Variants in APBA1 observed in about 807,000 individuals in gnomAD.
APBA1 encodes the protein amyloid-beta A4 precursor protein-binding family A member 1.
In APBA1, 55 loss-of-function variants were observed where a neutral mutation model predicts 86.6. The observed-to-expected ratio is 0.64, with a 90% CI of 0.51 to 0.80. The LOEUF is 0.80. Among genes scored for constraint, APBA1 ranks in the 30% least tolerant of loss-of-function variants. The probability of loss-of-function intolerance (pLI) is 0.00; values close to 1 mark genes in which losing one functional copy is unlikely to be tolerated. For synonymous variants in APBA1, 511 were observed against 493.9 expected, an observed-to-expected ratio of 1.03 and a Z score of -0.46; for missense variants, 1,090 against 1,183.0, an observed-to-expected ratio of 0.92 and a Z score of 1.15.
intron 1 of APBA1, among the ~76,000 whole-genome samples, chr9:69,669,961 A>G (rs1210574792): frequency 6.6e-6 from 1 of 152,188 alleles, no homozygotes; most frequent in Admixed American, 6.5e-5. Context: ...ATAAAGGATG[A>G]TGACTTTTTT....
At chr9:69,626,249 C>T (rs1822925137) in intron 1 of APBA1, among the ~76,000 whole-genome samples, 1 of 152,136 alleles carries the variant, frequency 6.6e-6, no homozygotes, top group Non-Finnish European at 1.5e-5. Flanking sequence ...AAAAAGTAAA[C>T]AGCAGTGCCT....
Position 69,516,243 on chromosome 9 carries a change from T to A in APBA1, c.968A>T (p.Gln323Leu). The A allele has an allele frequency of 7.1e-7, 1 of 1,414,436 alleles. No homozygotes were observed. Among genetic ancestry groups the A allele is most frequent in the Non-Finnish European group, 9.2e-7 (1 of 1,087,728 alleles). 87.6% of individuals were successfully genotyped at this position (1,414,436 alleles called of 1,614,324 possible). Residue 323 changes from glutamine (Q) to leucine (L), a missense_variant, in exon 2 of 13, where the codon CAG (glutamine) becomes CTG (leucine). Transcript: ENST00000265381. This position sits in a 1 kb window ranked among gnomAD's most constrained non-coding sequence, Gnocchi z 7.3. The part of the protein sequence containing the change: ...SPGLQAPAGQ[Q>L]RAVGPAGGGE... ...GCCGCCCGCGGGGCCCACCGCCCGC[T>A]GCTGCCCCGCCGGCGCCTGCAGCCC... is the stretch of plus-strand genomic sequence containing the variant.
At chr9:69,539,254 A>T (rs1457257634) in intron 1 of APBA1, among the ~76,000 whole-genome samples, 1 of 152,218 alleles carries the variant, frequency 6.6e-6, no homozygotes, top group Non-Finnish European at 1.5e-5. Flanking sequence ...GCTCCTTTAG[A>T]CATAACTGTG....
At chr9:69,451,261 C>T (rs185156764) in intron 9 of APBA1, among the ~76,000 whole-genome samples, 168 of 152,362 alleles carry the variant, frequency 1.1e-3, no homozygotes, top group African/African-American at 3.2e-3. Flanking sequence ...AAGCTTCCCA[C>T]ATCCCTTCTG....
intron 1 of APBA1, among the ~76,000 whole-genome samples, chr9:69,623,685 T>C (rs1256799320): frequency 1.3e-5 from 2 of 151,932 alleles, no homozygotes; most frequent in Non-Finnish European, 2.9e-5. Flanking sequence ...ACTTTGGGAG[T>C]CTGGTTTGGG....
intron 1 of APBA1, among the ~76,000 whole-genome samples, chr9:69,610,734 A>T (rs1411504937): frequency 7.2e-5 from 11 of 152,130 alleles, no homozygotes; most frequent in African/African-American, 2.4e-4. Flanking sequence ...AAATTATCAG[A>T]TTTTCTTTGC....
At chr9:69,475,428 G>A (rs1490738498) in intron 3 of APBA1, among the ~76,000 whole-genome samples, 3 of 152,154 alleles carry the variant, frequency 2.0e-5, no homozygotes, top group Admixed American at 2.0e-4. Flanking sequence ...AGCAGAAGTG[G>A]AACATTTCCA....
At chr9:69,654,682 G>C (rs993508972) in intron 1 of APBA1, among the ~76,000 whole-genome samples, 2 of 151,916 alleles carry the variant, frequency 1.3e-5, no homozygotes, top group Non-Finnish European at 2.9e-5. Flanking sequence ...GAAGAGAAGG[G>C]AATACTTCCA....
chr9:69,440,982 G>A lies in APBA1; in HGVS notation c.2301+14C>T. 1.9e-6 allele frequency: 3 copies of A among 1,611,278 alleles called. No homozygotes were observed. Among genetic ancestry groups the A allele is most frequent in the Non-Finnish European group, 2.5e-6 (3 of 1,178,676 alleles). The stretch of plus-strand genomic sequence containing the variant: ...CAACATTGTGGAAAAGGGTGTGGAA[G>A]GTGTTCTACTTACAATTCCATTCTG... On this transcript the variant is annotated intron_variant, in intron 11 of 12. Transcript: ENST00000265381.
At chr9:69,523,363 CAGAG>C (rs992557574) in intron 1 of APBA1, among the ~76,000 whole-genome samples, 2 of 150,950 alleles carry the variant, frequency 1.3e-5, no homozygotes, top group African/African-American at 4.9e-5. Flanking sequence ...CATCTTAACA[CAGAG>C]AGAAGTTTGT....
At chr9:69,606,319 C>T (rs1822470885) in intron 1 of APBA1, among the ~76,000 whole-genome samples, 1 of 152,086 alleles carries the variant, frequency 6.6e-6, no homozygotes, top group South Asian at 2.1e-4. Flanking sequence ...CTACTGCAGG[C>T]CAGCAGGCGT....
chr9:69,657,448 C>T (rs1216949909), intron 1 of APBA1, among the ~76,000 whole-genome samples: 2 of 152,208 alleles, frequency 1.3e-5, no homozygotes, highest in Non-Finnish European at 2.9e-5. Flanking sequence ...TTCACACTGA[C>T]ATCAGCAGTT....
chr9:69,512,144 A>G (rs1836059450), intron 2 of APBA1, among the ~76,000 whole-genome samples: 1 of 152,124 alleles, frequency 6.6e-6, no homozygotes, highest in African/African-American at 2.4e-5. Flanking sequence ...CATTATCAAT[A>G]TTTTTCAAGA....
intron 5 of APBA1, among the ~76,000 whole-genome samples, chr9:69,466,118 T>C (rs554082976): frequency 3.9e-5 from 6 of 152,280 alleles, no homozygotes; most frequent in East Asian, 1.9e-4. Context: ...GGGCCAGCTC[T>C]GAGCTTGGGG....
intron 1 of APBA1, among the ~76,000 whole-genome samples, chr9:69,632,770 A>G (rs991099889): frequency 2.6e-5 from 4 of 152,146 alleles, no homozygotes; most frequent in African/African-American, 9.7e-5. Flanking sequence ...ATTTTAAAGG[A>G]AATAGATGTT....
intron 1 of APBA1, among the ~76,000 whole-genome samples, chr9:69,651,449 G>C (rs943035991): frequency 2.6e-5 from 4 of 151,966 alleles, no homozygotes; most frequent in Admixed American, 6.6e-5. Flanking sequence ...CAATCTTCCC[G>C]ACCAGTAATT....
chr9:69,664,051 T>C (rs1056613651), intron 1 of APBA1, among the ~76,000 whole-genome samples: 1 of 152,140 alleles, frequency 6.6e-6, no homozygotes. Flanking sequence ...TGAAAAAACA[T>C]ATTACCTGGT....
rs1474266830 is a variant in APBA1, at chr9:69,587,357, A to G, written c.-69-70078T>C. 5.3e-5 allele frequency among the ~76,000 whole-genome samples: 8 copies of G among 152,214 alleles called. No homozygotes were observed. In the East Asian group the frequency reaches 1.5e-3, roughly 29 times the overall value. ...TTGTTTATTTGCCACTGTAAGCAAG[A>G]GGACAGCCTATCTGAGAATGTGGCC... On this transcript the variant is annotated intron_variant, in intron 1 of 12. Coordinates refer to ENST00000265381, the MANE Select transcript of APBA1 (RefSeq NM_001163.4).
At chr9:69,598,120 T>C (rs1015458247) in intron 1 of APBA1, among the ~76,000 whole-genome samples, 8 of 152,056 alleles carry the variant, frequency 5.3e-5, no homozygotes, top group African/African-American at 1.7e-4. Context: ...AATGATGAGT[T>C]CATGTCCTTT....
Sources: allele counts gnomAD v4.1 joint callset (sites outside exome capture counted in the v4.1 genomes callset), GRCh38; gene constraint gnomAD v4.1.1; non-coding constraint Gnocchi (gnomAD v3.1); transcripts MANE v1.5; gene names NCBI Gene and HGNC (gene_info 2026-07-23, HGNC 2026-07-21).